FBN2: variants seen among roughly 807,000 people sequenced by gnomAD.
FBN2 encodes fibrillin-2.
FBN2 carries 105 observed loss-of-function variants against 355.6 expected under a neutral mutation model. The ratio of observed to expected loss-of-function variants is 0.30; its 90% CI spans 0.25 to 0.35. The LOEUF is 0.35. Ranked by LOEUF, FBN2 falls within the 10% of genes least tolerant of loss-of-function variation. The pLI, the probability that FBN2 is intolerant of heterozygous loss-of-function variation, is 1.00. For missense variants in FBN2, 3,280 were observed against 3,758.7 expected (o/e 0.87, Z 3.33); for synonymous variants, 1,350 against 1,301.2 (o/e 1.04, Z -0.81).
At chr5:128,454,755 T>C (rs1019407661) in intron 6 of FBN2, among the ~76,000 whole-genome samples, 15 of 152,200 alleles carry the variant, frequency 9.9e-5, no homozygotes, top group Non-Finnish European at 2.1e-4. Context: ...TTAGGGTCTG[T>C]ATTGCTATTT....
At chr5:128,466,591 A>G (rs1754718889) in intron 5 of FBN2, among the ~76,000 whole-genome samples, 1 of 152,240 alleles carries the variant, frequency 6.6e-6, no homozygotes, top group Non-Finnish European at 1.5e-5. Context: ...TTAAAGAAGA[A>G]TGAGGCTGTC....
At chr5:128,438,868 C>T (rs1471328262) in intron 7 of FBN2, among the ~76,000 whole-genome samples, 1 of 152,038 alleles carries the variant, frequency 6.6e-6, no homozygotes, top group African/African-American at 2.4e-5. Context: ...GTGAAATCTC[C>T]TCTCCATTCC....
intron 7 of FBN2, among the ~76,000 whole-genome samples, chr5:128,420,069 AT>A (rs1423224082): frequency 6.6e-6 from 1 of 151,948 alleles, no homozygotes; most frequent in African/African-American, 2.4e-5. Context: ...ATGGGGCTGG[AT>A]TTTTTTCTTC....
intron 4 of FBN2, among the ~76,000 whole-genome samples, chr5:128,524,201 T>C (rs1338638206): frequency 6.6e-6 from 1 of 152,136 alleles, no homozygotes; most frequent in Non-Finnish European, 1.5e-5. Flanking sequence ...CCTTTAAATT[T>C]GCTTTTCACT....
intron 31 of FBN2, among the ~76,000 whole-genome samples, chr5:128,334,281 A>G (rs10477683): frequency 0.086 from 13,075 of 152,174 alleles, 756 homozygotes; most frequent in Non-Finnish European, 0.13. Context: ...GAAGAAAGGG[A>G]AAGAGTCTCA....
intron 23 of FBN2, among the ~76,000 whole-genome samples, chr5:128,346,439 T>C (rs17608692): frequency 0.071 from 10,827 of 152,308 alleles, 520 homozygotes; most frequent in Non-Finnish European, 0.1. Flanking sequence ...CATTAAATCC[T>C]TTCCAGAAGC....
At chr5:128,455,139 A>G (rs1754347531) in intron 6 of FBN2, among the ~76,000 whole-genome samples, 1 of 152,192 alleles carries the variant, frequency 6.6e-6, no homozygotes, top group Non-Finnish European at 1.5e-5. Flanking sequence ...TCATGAGACT[A>G]AAGACAAAAA....
chr5:128,287,630 T>TAAAATAAAAAA (rs1269833134), intron 53 of FBN2, among the ~76,000 whole-genome samples, 200 bp from the exon 54 acceptor site: 6 of 152,202 alleles, frequency 3.9e-5, no homozygotes, highest in African/African-American at 1.4e-4. Context: ...ATATAAAAAG[T>TAAAATAAAAAA]ACCTGAAGTT....
At chr5:128,510,037 A>G (rs1319325661) in intron 5 of FBN2, among the ~76,000 whole-genome samples, 1 of 152,152 alleles carries the variant, frequency 6.6e-6, no homozygotes, top group Non-Finnish European at 1.5e-5. Context: ...AGATGTCACA[A>G]GTTCTCTCTA....
At chr5:128,532,451 T>G (rs1259513067) in intron 2 of FBN2, among the ~76,000 whole-genome samples, 1 of 152,200 alleles carries the variant, frequency 6.6e-6, no homozygotes, top group Non-Finnish European at 1.5e-5. Context: ...TTAGAGACAG[T>G]TCATTTAGGA....
intron 2 of FBN2, among the ~76,000 whole-genome samples, chr5:128,532,713 A>G (rs1345276779): frequency 1.3e-5 from 2 of 152,232 alleles, no homozygotes; most frequent in African/African-American, 4.8e-5. Context: ...ATGCCTTCTG[A>G]TATCCATATA....
At chr5:128,333,717 C>G (rs1750754306) in intron 31 of FBN2, among the ~76,000 whole-genome samples, 1 of 151,404 alleles carries the variant, frequency 6.6e-6, no homozygotes, top group South Asian at 2.1e-4. Context: ...TCTGTATACA[C>G]ACACACATAT....
intron 4 of FBN2, among the ~76,000 whole-genome samples, chr5:128,523,788 T>TTA (rs3059405): frequency 1.0e-3 from 158 of 152,100 alleles, no homozygotes; most frequent in African/African-American, 3.7e-3. Flanking sequence ...TATTTTTTTT[T>TTA]ATCCACCACG....
intron 5 of FBN2, among the ~76,000 whole-genome samples, chr5:128,499,209 C>A (rs550910317): frequency 6.6e-6 from 1 of 152,186 alleles, no homozygotes; most frequent in African/African-American, 2.4e-5. Flanking sequence ...CATTATAAAT[C>A]TTTCAAAATA....
At chr5:128,519,210 A>T (rs1756364372) in intron 5 of FBN2, 63 bp downstream of exon 5, 1 of 1,176,698 alleles carries the variant, frequency 8.5e-7, no homozygotes, top group Admixed American at 1.8e-5. Flanking sequence ...AATAGCAAAA[A>T]ATTATACATT....
Position 128,305,941 on chromosome 5 carries a change from A to G in FBN2, c.5430T>C (p.Asp1810=), listed in dbSNP as rs750681115. The change falls in exon 43 of 65, where the codon GAT becomes GAC. Residue 1810 remains aspartate (D), a synonymous_variant. Transcript: ENST00000262464. ...DIHTGKAVDI[D]ECKEIPGICA... is the part of the protein sequence containing the mutation. ...AAATGCCTGGAATCTCTTTACATTC[A>G]TCAATGTCTGAAATGGAACAGATTT... is the stretch of plus-strand genomic sequence containing the variant. The G allele has an allele frequency of 8.4e-5, 135 of 1,613,670 alleles. 1 individual carries two copies. The South Asian group carries it at 1.4e-3, about 17-fold the overall frequency.
chr5:128,431,566 T>G (rs1291480951), intron 7 of FBN2, among the ~76,000 whole-genome samples: 1 of 152,230 alleles, frequency 6.6e-6, no homozygotes. Flanking sequence ...TAAAAAAATC[T>G]ATTCTTACTG....
At chr5:128,278,917 C>G (rs1765465453) in intron 56 of FBN2, 76 bp from the exon 57 acceptor site, 1 of 1,217,322 alleles carries the variant, frequency 8.2e-7, no homozygotes, top group African/African-American at 1.5e-5. Context: ...TTAAGCAGGG[C>G]AGTCAAGAAT....
intron 18 of FBN2, among the ~76,000 whole-genome samples, chr5:128,364,109 A>G (rs1165688902): frequency 6.6e-6 from 1 of 152,212 alleles, no homozygotes; most frequent in African/African-American, 2.4e-5. Flanking sequence ...GCATTTGTTA[A>G]ACATAAATTA....
Sources: gnomAD v4.1 joint callset for allele counts (sites outside exome capture counted in the v4.1 genomes callset) on GRCh38, gnomAD v4.1.1 for gene constraint, MANE v1.5 for transcripts, NCBI Gene and HGNC (gene_info 2026-07-23, HGNC 2026-07-21) for gene names.